Variants in SLC12A9 observed in about 807,000 individuals in gnomAD.
SLC12A9 encodes CCC-interacting protein 1.
In SLC12A9, 55 loss-of-function variants were observed where a neutral mutation model predicts 66.0. That is an observed-to-expected ratio of 0.83 (90% CI 0.67 to 1.04). The LOEUF (loss-of-function observed/expected upper bound fraction) is 1.04. Among genes scored for constraint, SLC12A9 ranks in the 50% least tolerant of loss-of-function variants. The probability of loss-of-function intolerance (pLI) is 0.00; values close to 1 mark genes in which losing one functional copy is unlikely to be tolerated. For synonymous variants in SLC12A9, 577 were observed against 569.0 expected (o/e 1.01, Z -0.20); for missense variants, 1,061 against 1,241.9 (o/e 0.85, Z 2.19).
In SLC12A9 at chr7:100,861,504, G is replaced by T; in HGVS notation, c.1456G>T (p.Gly486Cys). The change falls in exon 11 of 14, where the codon GGT becomes TGT. Residue 486 changes from glycine to cysteine, a missense_variant. Transcript: ENST00000354161. The surrounding 1 kb of genome is among the most constrained non-coding windows in gnomAD (Gnocchi z 5.3). ...GGCTGGTGGCTCCCTGCTCCTCATG[G>T]GTCTGCTGGCTGCCCTGCTCACCGC... ...GAAGGSLLLM[G>C]LLAALLTARG... 1.2e-6 allele frequency: 2 copies of T among 1,613,858 alleles called. No individual in the cohort carries two copies. The highest frequency in any genetic ancestry group is 1.7e-6 in the Non-Finnish European group (2 of 1,180,042).
upstream of SLC12A9, among the ~76,000 whole-genome samples, chr7:100,848,382 T>C (rs1037207855): frequency 2.4e-4 from 37 of 151,658 alleles, no homozygotes; most frequent in African/African-American, 8.7e-4. Context: ...CATGTGCCTA[T>C]AGCTACTCAG....
intron 1 of SLC12A9, among the ~76,000 whole-genome samples, chr7:100,838,542 G>T (rs1813714530): frequency 1.3e-5 from 2 of 152,042 alleles, no homozygotes; most frequent in African/African-American, 4.8e-5. Context: ...TTTTGAGACA[G>T]AGTCTCACTC....
chr7:100,831,157 G>T (rs955989909), intron 1 of SLC12A9, among the ~76,000 whole-genome samples: 7 of 152,200 alleles, frequency 4.6e-5, no homozygotes, highest in South Asian at 2.1e-4. Context: ...ACAGCTACTG[G>T]AGTTTTCTTT....
At chr7:100,840,688 C>T (rs893651337) in intron 1 of SLC12A9, among the ~76,000 whole-genome samples, 2 of 148,868 alleles carry the variant, frequency 1.3e-5, no homozygotes, top group African/African-American at 5.0e-5. Context: ...AGAGAAGAGA[C>T]AGAGGCAAAA....
At chr7:100,856,833 T>C in intron 4 of SLC12A9, 35 bp from the exon 5 acceptor site, 1 of 1,532,416 alleles carries the variant, frequency 6.5e-7, no homozygotes, top group Non-Finnish European at 8.8e-7. Context: ...TGCCTTAGGA[T>C]CGGGCCTTCT....
Position 100,857,128 on chromosome 7 carries a change from G to C in SLC12A9, c.709G>C (p.Gly237Arg). The C allele has an allele frequency of 6.2e-7, 1 of 1,614,116 alleles. No individual in the cohort carries two copies. Among genetic ancestry groups the C allele is most frequent in the South Asian group, 1.1e-5 (1 of 91,078 alleles). Residue 237 changes from glycine to arginine, a missense_variant, in exon 5 of 14, where the codon GGC (glycine) becomes CGC (arginine). Physicochemically the swap from Gly to Arg is moderately radical, Grantham distance 125. Transcript: ENST00000354161. The stretch of plus-strand genomic sequence containing the variant: ...TGGCTCCTCCCTGCCGCCCCGGTTT[G>C]GCCACTTCACCGGCTTCAACAGCAG... ...PNGSSLPPRFGHFTGFNSSTL... is the reference protein window; with the variant it reads ...PNGSSLPPRFRHFTGFNSSTL...
rs1478276993 is a variant in SLC12A9, at chr7:100,858,662, C to T, written c.758-173C>T. The stretch of plus-strand genomic sequence containing the variant: ...GAGGAATATCGGAGCACTGGGGGGA[C>T]GTGGCAATGTGTCTGGCTGACCCAG... On this transcript the variant is annotated intron_variant, in intron 5 of 13. Transcript: ENST00000354161. 20 of 600,574 alleles carry T rather than the reference C, an allele frequency of 3.3e-5. No homozygotes were observed. The East Asian group carries it at 3.4e-4, about 10-fold the overall frequency. 37.2% of individuals were successfully genotyped at this position (600,574 alleles called of 1,614,324 possible).
intron 1 of SLC12A9, among the ~76,000 whole-genome samples, chr7:100,839,994 G>T (rs1231420542): frequency 6.6e-6 from 1 of 151,666 alleles, no homozygotes; most frequent in Non-Finnish European, 1.5e-5. Flanking sequence ...TTAAGTGGAA[G>T]CGTGGCCTGA....
rs931209532 is a variant in SLC12A9 at position 100,852,784 on chromosome 7, G to C, written c.-94G>C. ...TCCGGCCCCCGTGCACTCTCCGCCCGAGCGGAGCCCCCCGGCTCGCGGGGA... is the reference window on the plus strand; with the variant it reads ...TCCGGCCCCCGTGCACTCTCCGCCCCAGCGGAGCCCCCCGGCTCGCGGGGA... On this transcript the variant is annotated 5_prime_UTR_variant, in exon 1 of 14. Coordinates refer to ENST00000354161, the MANE Select transcript of SLC12A9 (RefSeq NM_020246.4). 4 of 290 alleles carry C rather than the reference G, an allele frequency of 0.014. No homozygotes were observed. Among genetic ancestry groups the C allele is most frequent in the Non-Finnish European group, 0.02 (4 of 202 alleles). 0.0% of individuals were successfully genotyped at this position (290 alleles called of 1,614,324 possible). A position where few individuals can be genotyped will look rare whatever the true frequency, so the allele number is the denominator to read the frequency against.
chr7:100,831,814 G>T (rs1421550426), intron 1 of SLC12A9, among the ~76,000 whole-genome samples: 1 of 152,032 alleles, frequency 6.6e-6, no homozygotes, highest in African/African-American at 2.4e-5. Flanking sequence ...ACCTAACTGT[G>T]TCGGGTCCAA....
At chr7:100,855,598 C>T (rs894836349) in intron 3 of SLC12A9, 108 bp from the exon 4 acceptor site, 32 of 1,491,552 alleles carry the variant, frequency 2.1e-5, no homozygotes, top group Non-Finnish European at 2.9e-5. Context: ...GGCAAAGCCA[C>T]ATGGCTGGGG....
chr7:100,866,837 C>G lies in SLC12A9; in HGVS notation c.*232C>G. ...GTCCCCACCGTGCAGGGGAGGGAGTCCGCAGCCTCCCTTCACTGGTGCCTT... is the reference window on the plus strand; with the variant it reads ...GTCCCCACCGTGCAGGGGAGGGAGTGCGCAGCCTCCCTTCACTGGTGCCTT... On this transcript the variant is annotated 3_prime_UTR_variant, in exon 14 of 14. Coordinates refer to ENST00000354161, the MANE Select transcript of SLC12A9 (RefSeq NM_020246.4). This position sits in a 1 kb window ranked among gnomAD's most constrained non-coding sequence, Gnocchi z 7.3. 2.3e-6 allele frequency: 1 copy of G among 439,916 alleles called. No homozygotes were observed. The highest frequency in any genetic ancestry group is 4.0e-6 in the Non-Finnish European group (1 of 251,010). 27.3% of individuals were successfully genotyped at this position (439,916 alleles called of 1,614,324 possible). A position where few individuals can be genotyped will look rare whatever the true frequency, so the allele number is the denominator to read the frequency against.
chr7:100,856,118 AG>A, intron 4 of SLC12A9: 1 of 258,796 alleles, frequency 3.9e-6, no homozygotes, highest in Non-Finnish European at 7.2e-6. Flanking sequence ...TGGAGCTAAG[AG>A]GGAAGTGGGG....
rs771611958 is a variant in SLC12A9 at position 100,862,676 on chromosome 7, T to C, written c.1712-5T>C. 6.2e-7 allele frequency: 1 copy of C among 1,614,108 alleles called. No homozygotes were observed. Among genetic ancestry groups the C allele is most frequent in the South Asian group, 1.1e-5 (1 of 91,086 alleles). ...GCTACCTTCCTTTCCTTATCTTCTC[T>C]GTAGACTCCCTGCCCTCGGACCCTG... On this transcript the variant is annotated splice_polypyrimidine_tract_variant and splice_region_variant and intron_variant, in intron 12 of 13. Transcript: ENST00000354161.
Position 100,854,251 on chromosome 7 carries a change from G to A in SLC12A9, c.54G>A (p.Gly18=). 1 of 1,581,002 alleles carries A rather than the reference G, an allele frequency of 6.3e-7. No homozygotes were observed. The highest frequency in any genetic ancestry group is 8.5e-7 in the Non-Finnish European group (1 of 1,171,524). The part of the protein sequence containing the change: ...LLAYRLLGEE[G]VALPANGAGG... ...CCTACCGGCTCCTGGGGGAGGAGGG[G>A]GTTGCCCTCCCTGCCAATGGGGCCG... The change falls in exon 2 of 14, where the codon GGG becomes GGA. Residue 18 remains glycine, a synonymous_variant. Coordinates refer to ENST00000354161, the MANE Select transcript of SLC12A9 (RefSeq NM_020246.4).
intron 1 of SLC12A9, among the ~76,000 whole-genome samples, chr7:100,830,100 C>T: frequency 6.7e-6 from 1 of 148,542 alleles, no homozygotes; most frequent in Non-Finnish European, 1.5e-5. Flanking sequence ...ACCTGTAATC[C>T]CAGCACTTTG....
chr7:100,840,179 CTTTGT>C (rs955471316), intron 1 of SLC12A9, among the ~76,000 whole-genome samples: 4 of 152,040 alleles, frequency 2.6e-5, no homozygotes, highest in Admixed American at 1.3e-4. Flanking sequence ...TTTACCTGTT[CTTTGT>C]TTTGTGGTGT....
intron 1 of SLC12A9, among the ~76,000 whole-genome samples, chr7:100,828,858 C>G (rs575996764): frequency 6.6e-6 from 1 of 152,188 alleles, no homozygotes; most frequent in East Asian, 1.9e-4. Context: ...CACCAACCCC[C>G]TTCTACTTCA....
At chr7:100,833,140 C>T (rs1369362109) in intron 1 of SLC12A9, among the ~76,000 whole-genome samples, 30 of 151,958 alleles carry the variant, frequency 2.0e-4, no homozygotes, top group Non-Finnish European at 5.9e-5. Flanking sequence ...GTTGTCCAGG[C>T]TGGTCTCAAA....
Sources: gnomAD v4.1 joint callset for allele counts (sites outside exome capture counted in the v4.1 genomes callset) on GRCh38, gnomAD v4.1.1 for gene constraint, Gnocchi (gnomAD v3.1) non-coding constraint, MANE v1.5 for transcripts, NCBI Gene and HGNC (gene_info 2026-07-23, HGNC 2026-07-21) for gene names.